METTL15: variants seen among roughly 807,000 people sequenced by gnomAD.
METTL15 encodes the protein 12S rRNA N(4)-cytidine methyltransferase METTL15.
In METTL15, 34 loss-of-function variants were observed where a neutral mutation model predicts 38.3. That is an observed-to-expected ratio of 0.89 (90% CI 0.68 to 1.18). The LOEUF (loss-of-function observed/expected upper bound fraction) is 1.18, where lower values mean the gene tolerates loss of function less well. Among genes scored for constraint, METTL15 ranks in the 50% most tolerant of loss-of-function variants. METTL15 has a pLI of 0.00. For synonymous variants in METTL15, 162 were observed against 170.9 expected (o/e 0.95, Z 0.41); for missense variants, 438 against 498.4 (o/e 0.88, Z 1.15).
intron 3 of METTL15, among the ~76,000 whole-genome samples, chr11:28,194,138 T>TTCTTTC (rs1851807549): frequency 8.8e-6 from 1 of 114,264 alleles, no homozygotes. Context: ...CTTTCTTTCT[T>TTCTTTC]TCTTTCTTTC....
At chr11:28,139,412 GC>G (rs1377770401) in intron 3 of METTL15, among the ~76,000 whole-genome samples, 1 of 152,174 alleles carries the variant, frequency 6.6e-6, no homozygotes, top group Non-Finnish European at 1.5e-5. Context: ...AGAGAGAAGA[GC>G]TGTCCTCACA....
At chr11:28,265,356 A>T (rs961018300) in intron 4 of METTL15, among the ~76,000 whole-genome samples, 3 of 151,828 alleles carry the variant, frequency 2.0e-5, no homozygotes, top group Non-Finnish European at 4.4e-5. Flanking sequence ...TGCCTTGCTG[A>T]AAGTAGATGC....
intron 3 of METTL15, among the ~76,000 whole-genome samples, chr11:28,201,889 A>G (rs1184240228): frequency 2.0e-5 from 3 of 152,130 alleles, no homozygotes; most frequent in African/African-American, 7.2e-5. Context: ...GGCATGTTTG[A>G]CAATTTCACA....
At position 28,412,235 on chromosome 11, in the gene METTL15, C is replaced by T. The variant is rs564028664; in HGVS notation, c.*359-12064C>T. Among the ~76,000 whole-genome samples the T allele has an allele frequency of 3.3e-5, 5 of 152,064 alleles. No individual in the cohort carries two copies. The East Asian group carries it at 9.7e-4, about 29-fold the overall frequency. On this transcript the variant is annotated intron_variant and NMD_transcript_variant, in intron 5 of 7. Transcript: ENST00000532947. ...ACTACCTTATGACTCAGCAGTCTGTCTTCTGGGTATATACCCAAAGGAGAT... is the reference window on the plus strand; with the variant it reads ...ACTACCTTATGACTCAGCAGTCTGTTTTCTGGGTATATACCCAAAGGAGAT...
intron 4 of METTL15, among the ~76,000 whole-genome samples, chr11:28,357,979 A>T (rs1850104274): frequency 6.6e-6 from 1 of 152,104 alleles, no homozygotes; most frequent in African/African-American, 2.4e-5. Flanking sequence ...TGTTAACATT[A>T]TGTGGGAAAA....
At chr11:28,359,903 G>C (rs918834879) in intron 4 of METTL15, among the ~76,000 whole-genome samples, 13 of 152,262 alleles carry the variant, frequency 8.5e-5, no homozygotes, top group African/African-American at 2.9e-4. Context: ...TTTCACTTGA[G>C]TGATTTTTGA....
At chr11:28,170,467 G>C (rs1690550007) in intron 3 of METTL15, among the ~76,000 whole-genome samples, 1 of 152,284 alleles carries the variant, frequency 6.6e-6, no homozygotes, top group African/African-American at 2.4e-5. Context: ...AGTTTATTAA[G>C]AAAGTAAAGG....
chr11:28,447,356 A>G (rs1163262731), intron 6 of METTL15, among the ~76,000 whole-genome samples: 1 of 152,200 alleles, frequency 6.6e-6, no homozygotes, highest in Non-Finnish European at 1.5e-5. Context: ...AAGGGAACAC[A>G]GCATCTATTA....
At chr11:28,136,033 T>A (rs914376356) in intron 3 of METTL15, among the ~76,000 whole-genome samples, 5 of 152,156 alleles carry the variant, frequency 3.3e-5, no homozygotes, top group Admixed American at 6.6e-5. Flanking sequence ...AACCTGCCTT[T>A]AAGAGCACCT....
chr11:28,295,414 A>G (rs750225930), intron 5 of METTL15, among the ~76,000 whole-genome samples: 1 of 152,048 alleles, frequency 6.6e-6, no homozygotes, highest in African/African-American at 2.4e-5. Context: ...TGAGATAGAA[A>G]TAGGGCTACC....
downstream of METTL15, among the ~76,000 whole-genome samples, chr11:28,336,788 G>C (rs1849904565): frequency 6.6e-6 from 1 of 152,114 alleles, no homozygotes; most frequent in South Asian, 2.1e-4. Flanking sequence ...AAATGGCTAT[G>C]TTTCTTTTTT....
chr11:28,389,076 T>C (rs1424821912), intron 5 of METTL15, among the ~76,000 whole-genome samples: 1 of 152,090 alleles, frequency 6.6e-6, no homozygotes, highest in African/African-American at 2.4e-5. Flanking sequence ...TAATCCAGTC[T>C]ATCGTTGTAG....
At chr11:28,509,766 CT>C (rs745365461) in intron 6 of METTL15, among the ~76,000 whole-genome samples, 7 of 152,154 alleles carry the variant, frequency 4.6e-5, no homozygotes, top group Non-Finnish European at 8.8e-5. Flanking sequence ...CACCCCCAAC[CT>C]TATGTCTAAG....
chr11:28,238,060 G>T (rs1056714456), intron 4 of METTL15, among the ~76,000 whole-genome samples: 3 of 152,192 alleles, frequency 2.0e-5, no homozygotes, highest in Non-Finnish European at 2.9e-5. Flanking sequence ...AGGGGTCAGG[G>T]ACCCACTTGA....
chr11:28,499,000 C>G (rs1851559145), intron 6 of METTL15, among the ~76,000 whole-genome samples: 1 of 152,182 alleles, frequency 6.6e-6, no homozygotes, highest in Non-Finnish European at 1.5e-5. Context: ...TACATCTTAA[C>G]TCTGCTGTAT....
chr11:28,336,875 T>C (rs1849905586), downstream of METTL15, among the ~76,000 whole-genome samples: 1 of 152,176 alleles, frequency 6.6e-6, no homozygotes, highest in African/African-American at 2.4e-5. Context: ...ACTGTTAACC[T>C]CAGGCAGGTC....
At chr11:28,235,928 A>G (rs972818998) in intron 4 of METTL15, among the ~76,000 whole-genome samples, 46 of 151,874 alleles carry the variant, frequency 3.0e-4, no homozygotes, top group African/African-American at 1.0e-3. Flanking sequence ...ATTCAGTATG[A>G]TATTGGCTGT....
chr11:28,164,556 C>T (rs958118179), intron 3 of METTL15, among the ~76,000 whole-genome samples: 1 of 151,662 alleles, frequency 6.6e-6, no homozygotes, highest in Non-Finnish European at 1.5e-5. Flanking sequence ...TCTAATTGAC[C>T]AATTATAATA....
intron 5 of METTL15, among the ~76,000 whole-genome samples, chr11:28,402,409 CCA>C (rs1268406575): frequency 2.6e-5 from 4 of 151,960 alleles, no homozygotes; most frequent in Non-Finnish European, 5.9e-5. Context: ...TTTATAGTCT[CCA>C]GTGATTCTCT....
Sources: allele counts gnomAD v4.1 joint callset (sites outside exome capture counted in the v4.1 genomes callset), GRCh38; gene constraint gnomAD v4.1.1; transcripts MANE v1.5; gene names NCBI Gene and HGNC (gene_info 2026-07-23, HGNC 2026-07-21).